The following KLF17 variants were observed in gnomAD, a reference collection of about 807,000 sequenced individuals.
The protein encoded by KLF17 is Krueppel-like factor 17.
In KLF17, 31 loss-of-function variants were observed where a neutral mutation model predicts 34.2. That is an observed-to-expected ratio of 0.91 (90% CI 0.68 to 1.22). The LOEUF (loss-of-function observed/expected upper bound fraction) is 1.22, where lower values mean the gene tolerates loss of function less well. Among genes scored for constraint, KLF17 ranks in the 50% most tolerant of loss-of-function variants. KLF17 has a pLI of 0.00. For missense variants in KLF17, 478 were observed against 505.2 expected, an observed-to-expected ratio of 0.95 and a Z score of 0.52; for synonymous variants, 179 against 186.7, an observed-to-expected ratio of 0.96 and a Z score of 0.34.
the KLF17 span, among the ~76,000 whole-genome samples, chr1:44,065,544 G>T: frequency 6.6e-6 from 1 of 151,226 alleles, no homozygotes; most frequent in South Asian, 2.1e-4. Flanking sequence ...CGAGTAGACG[G>T]GATTACAGTT....
the KLF17 span, among the ~76,000 whole-genome samples, chr1:44,083,738 G>A: frequency 3.4e-5 from 5 of 146,668 alleles, no homozygotes; most frequent in African/African-American, 5.1e-5. Flanking sequence ...AGGTTGCAGT[G>A]AGCCAAGATG....
upstream of KLF17, chr1:44,117,312 T>G (rs1265795740): frequency 6.6e-6 from 1 of 152,096 alleles, no homozygotes; most frequent in Non-Finnish European, 1.5e-5. Context: ...CACAGCACAC[T>G]GCAGCCCAGA....
intron 3 of KLF17, among the ~76,000 whole-genome samples, chr1:44,131,836 A>G (rs576139287): frequency 1.5e-4 from 23 of 152,258 alleles, no homozygotes; most frequent in Non-Finnish European, 2.9e-5. Flanking sequence ...CTGGGATTAC[A>G]GGCAAGCACC....
the KLF17 span, chr1:44,044,569 C>A: frequency 6.6e-6 from 1 of 152,286 alleles, no homozygotes; most frequent in Non-Finnish European, 1.5e-5. Context: ...GGGGTGCCAA[C>A]AGCATCTAGG....
At chr1:44,066,828 C>T in the KLF17 span, among the ~76,000 whole-genome samples, 1 of 152,126 alleles carries the variant, frequency 6.6e-6, no homozygotes, top group Non-Finnish European at 1.5e-5. Context: ...GAATATGACA[C>T]AGCAGTAAAA....
the KLF17 span, among the ~76,000 whole-genome samples, chr1:44,102,587 C>G: frequency 1.6e-5 from 2 of 122,280 alleles, no homozygotes; most frequent in South Asian, 6.5e-4. Flanking sequence ...CACACACACA[C>G]ACACACACAC....
chr1:44,049,643 T>C, the KLF17 span, among the ~76,000 whole-genome samples: 1 of 152,146 alleles, frequency 6.6e-6, no homozygotes, highest in East Asian at 1.9e-4. Flanking sequence ...CCACCATGCC[T>C]GGCTAATTTT....
chr1:44,063,390 AT>A, the KLF17 span, among the ~76,000 whole-genome samples: 3 of 152,242 alleles, frequency 2.0e-5, no homozygotes, highest in Non-Finnish European at 4.4e-5. Context: ...ATGGAAAAAA[AT>A]CATATAGATG....
upstream of KLF17, chr1:44,117,076 C>T (rs2087886207): frequency 6.6e-6 from 1 of 151,548 alleles, no homozygotes; most frequent in Admixed American, 6.6e-5. Context: ...ATTACAAATT[C>T]TGTTTTTCAT....
chr1:44,069,512 G>GAGAGAGAGAGGGA, the KLF17 span, among the ~76,000 whole-genome samples: 4 of 114,548 alleles, frequency 3.5e-5, no homozygotes, highest in African/African-American at 1.6e-4. The surrounding 1 kb of genome is among the most constrained non-coding windows in gnomAD (Gnocchi z 4.7). Flanking sequence ...GAGAGAGAGA[G>GAGAGAGAGAGGGA]AAGACAGGAG....
intron 1 of KLF17, among the ~76,000 whole-genome samples, chr1:44,123,801 A>AT (rs1010576122): frequency 1.1e-4 from 17 of 151,616 alleles, no homozygotes; most frequent in East Asian, 5.8e-4. Context: ...TTTCATTGTG[A>AT]TTTTTTTATT....
the KLF17 span, among the ~76,000 whole-genome samples, chr1:44,060,005 A>T: frequency 6.6e-6 from 1 of 151,822 alleles, no homozygotes; most frequent in Admixed American, 6.6e-5. Flanking sequence ...TCCTCTAGAG[A>T]CCCAACTTGG....
the KLF17 span, chr1:44,044,671 T>C: frequency 6.6e-6 from 1 of 152,318 alleles, no homozygotes; most frequent in East Asian, 1.9e-4. Flanking sequence ...AACTGTGGAC[T>C]CTGAAGCCAA....
chr1:44,060,954 C>T, the KLF17 span, among the ~76,000 whole-genome samples: 1 of 152,208 alleles, frequency 6.6e-6, no homozygotes, highest in East Asian at 1.9e-4. Context: ...TACCTGGTTA[C>T]GTAACTATAA....
At chr1:44,083,147 T>C in the KLF17 span, among the ~76,000 whole-genome samples, 1 of 151,932 alleles carries the variant, frequency 6.6e-6, no homozygotes, top group East Asian at 1.9e-4. Flanking sequence ...GAGGCCTTGC[T>C]ATGTTACCCA....
the KLF17 span, among the ~76,000 whole-genome samples, chr1:44,064,731 C>A: frequency 6.6e-6 from 1 of 152,102 alleles, no homozygotes; most frequent in Non-Finnish European, 1.5e-5. Flanking sequence ...TATAGGTAAC[C>A]ATTCAAGATA....
At chr1:44,055,321 C>T in the KLF17 span, among the ~76,000 whole-genome samples, 3 of 152,268 alleles carry the variant, frequency 2.0e-5, no homozygotes, top group Admixed American at 1.3e-4. Flanking sequence ...CAGTTGTAAC[C>T]CATTTCTCAG....
At chr1:44,095,287 C>T in the KLF17 span, among the ~76,000 whole-genome samples, 1 of 148,094 alleles carries the variant, frequency 6.8e-6, no homozygotes, top group Non-Finnish European at 1.5e-5. Context: ...GTGATCTCAG[C>T]TTATCACAAC....
At chr1:44,057,871 C>T in the KLF17 span, among the ~76,000 whole-genome samples, 14 of 152,318 alleles carry the variant, frequency 9.2e-5, no homozygotes, top group African/African-American at 2.9e-4. Flanking sequence ...CATCCCTACT[C>T]ACTCCTGTAC....
Sources: gnomAD v4.1 joint callset for allele counts (sites outside exome capture counted in the v4.1 genomes callset) on GRCh38, gnomAD v4.1.1 for gene constraint, Gnocchi (gnomAD v3.1) non-coding constraint, MANE v1.5 for transcripts, NCBI Gene and HGNC (gene_info 2026-07-23, HGNC 2026-07-21) for gene names.